Variants in RBFOX1 observed in about 807,000 individuals in gnomAD.
RBFOX1 encodes the protein RNA binding protein fox-1 homolog 1.
In RBFOX1, 8 loss-of-function variants were observed where a neutral mutation model predicts 57.7. The observed-to-expected ratio is 0.14, with a 90% CI of 0.08 to 0.25. RBFOX1 has a LOEUF of 0.25. Ranked by LOEUF, RBFOX1 falls within the 10% of genes least tolerant of loss-of-function variation. The pLI, the probability that RBFOX1 is intolerant of heterozygous loss-of-function variation, is 1.00. For missense variants in RBFOX1, 611 were observed against 548.5 expected, an observed-to-expected ratio of 1.11 and a Z score of -1.14; for synonymous variants, 326 against 222.4, an observed-to-expected ratio of 1.47 and a Z score of -4.15.
intron 4 of RBFOX1, among the ~76,000 whole-genome samples, chr16:7,064,161 C>CTT (rs869135535): frequency 2.7e-4 from 26 of 96,792 alleles, no homozygotes; most frequent in East Asian, 6.3e-4. Context: ...GACTGGTGTT[C>CTT]TTTTTTTTTT....
intron 3 of RBFOX1, among the ~76,000 whole-genome samples, chr16:6,847,285 G>A (rs1056661209): frequency 3.9e-5 from 6 of 152,154 alleles, no homozygotes; most frequent in Admixed American, 3.9e-4. Flanking sequence ...GGCTGGCCCA[G>A]ACTGTGCTCA....
intron 3 of RBFOX1, among the ~76,000 whole-genome samples, chr16:6,770,599 T>G (rs1160876171): frequency 6.6e-6 from 1 of 151,346 alleles, no homozygotes; most frequent in Non-Finnish European, 1.5e-5. Flanking sequence ...CTGTTCAATT[T>G]TTTTTTTTAA....
chr16:7,328,262 A>C (rs912868544), intron 4 of RBFOX1, among the ~76,000 whole-genome samples: 2 of 152,060 alleles, frequency 1.3e-5, no homozygotes, highest in Non-Finnish European at 2.9e-5. Flanking sequence ...CAGGTAGATC[A>C]TGAGGTCAGG....
chr16:6,927,213 C>A (rs933366503), intron 3 of RBFOX1, among the ~76,000 whole-genome samples: 1 of 151,370 alleles, frequency 6.6e-6, no homozygotes, highest in East Asian at 2.0e-4. Context: ...TTAACGAAAC[C>A]CTAGGTCCTG....
intron 4 of RBFOX1, among the ~76,000 whole-genome samples, chr16:6,012,213 G>A (rs758951639): frequency 2.6e-5 from 4 of 152,206 alleles, no homozygotes; most frequent in African/African-American, 4.8e-5. Flanking sequence ...CTCATCTGTA[G>A]AATGAGGATG....
intron 3 of RBFOX1, among the ~76,000 whole-genome samples, chr16:5,692,237 G>A (rs925813239): frequency 6.6e-6 from 1 of 150,816 alleles, no homozygotes; most frequent in Non-Finnish European, 1.5e-5. Context: ...GCTAGCAGAT[G>A]CACAGAAGCT....
At chr16:7,525,630 G>C (rs888475412) in intron 5 of RBFOX1, among the ~76,000 whole-genome samples, 1 of 152,170 alleles carries the variant, frequency 6.6e-6, no homozygotes. Context: ...GTGTGTTTGG[G>C]TGTGGCTTTC....
chr16:5,785,793 C>T (rs1597245637), intron 3 of RBFOX1, among the ~76,000 whole-genome samples: 1 of 152,282 alleles, frequency 6.6e-6, no homozygotes, highest in East Asian at 1.9e-4. Context: ...TCCCAAAGTG[C>T]TGGGATTATA....
intron 1 of RBFOX1, among the ~76,000 whole-genome samples, chr16:5,255,454 C>G (rs2062569207): frequency 6.7e-6 from 1 of 148,724 alleles, no homozygotes; most frequent in African/African-American, 2.5e-5. Context: ...CCAATCCACT[C>G]TCTTGTGCAC....
intron 4 of RBFOX1, among the ~76,000 whole-genome samples, chr16:7,465,435 T>G (rs1157475176): frequency 1.3e-5 from 2 of 152,224 alleles, no homozygotes; most frequent in Non-Finnish European, 2.9e-5. Context: ...TAGGTGTTTG[T>G]GGAATGACTT....
intron 1 of RBFOX1, among the ~76,000 whole-genome samples, chr16:5,353,466 C>G (rs189438915): frequency 6.6e-6 from 1 of 151,970 alleles, no homozygotes; most frequent in African/African-American, 2.4e-5. Flanking sequence ...AGGACATTGA[C>G]ATTTTTAAAC....
chr16:7,153,339 C>G (rs2076449662), intron 4 of RBFOX1, among the ~76,000 whole-genome samples: 1 of 152,096 alleles, frequency 6.6e-6, no homozygotes, highest in Middle Eastern at 3.2e-3. Context: ...CTGATTTACT[C>G]TGTGGCCAAA....
chr16:5,240,844 T>A (rs1447718663), intron 1 of RBFOX1, among the ~76,000 whole-genome samples: 17 of 152,128 alleles, frequency 1.1e-4, no homozygotes, highest in Non-Finnish European at 2.4e-4. Context: ...CTTTCTGCTT[T>A]CCTACCCCAA....
chr16:5,293,196 C>T (rs1451639665), intron 1 of RBFOX1, among the ~76,000 whole-genome samples: 3 of 152,024 alleles, frequency 2.0e-5, no homozygotes, highest in Non-Finnish European at 2.9e-5. Context: ...TGGTGCACGC[C>T]TGTAATCCCA....
chr16:5,951,481 A>G (rs1456851937), intron 4 of RBFOX1, among the ~76,000 whole-genome samples: 1 of 151,924 alleles, frequency 6.6e-6, no homozygotes, highest in Non-Finnish European at 1.5e-5. Context: ...GTGTATGTGT[A>G]TATATATGTG....
At position 5,975,392 on chromosome 16, in the gene RBFOX1, C is replaced by T. The variant is rs937230699; in HGVS notation, c.351+108057C>T. On this transcript the variant is annotated intron_variant, in intron 4 of 19. Transcript: ENST00000641259. Reference sequence around the variant, plus strand: ...TGCATTAATGTAATACATCACAGAGCTGGGTGCCTGGCTGCTACATTACTC... The same window carrying T: ...TGCATTAATGTAATACATCACAGAGTTGGGTGCCTGGCTGCTACATTACTC... Among the ~76,000 whole-genome samples the T allele has an allele frequency of 4.7e-4, 71 of 152,276 alleles. 1 individual carries two copies. Among genetic ancestry groups the T allele is most frequent in the African/African-American group, 1.6e-3 (66 of 41,552 alleles).
chr16:7,126,948 G>A (rs1198889991), intron 4 of RBFOX1, among the ~76,000 whole-genome samples: 2 of 150,578 alleles, frequency 1.3e-5, no homozygotes, highest in Non-Finnish European at 2.9e-5. Flanking sequence ...GGCAGAGGTT[G>A]CAGTGAGCCA....
chr16:5,656,768 A>T (rs2049444428), intron 3 of RBFOX1, among the ~76,000 whole-genome samples: 1 of 152,176 alleles, frequency 6.6e-6, no homozygotes, highest in Admixed American at 6.5e-5. Context: ...CATGGTGTAT[A>T]TATGCCACAT....
intron 1 of RBFOX1, among the ~76,000 whole-genome samples, chr16:6,089,438 C>A (rs1341088741): frequency 6.6e-6 from 1 of 152,120 alleles, no homozygotes; most frequent in Non-Finnish European, 1.5e-5. Flanking sequence ...GGCATATACA[C>A]AGAGGGCCTA....
Sources: allele counts gnomAD v4.1 joint callset (sites outside exome capture counted in the v4.1 genomes callset), GRCh38; gene constraint gnomAD v4.1.1; transcripts MANE v1.5; gene names NCBI Gene and HGNC (gene_info 2026-07-23, HGNC 2026-07-21).